EGFLAM: variants seen among roughly 807,000 people sequenced by gnomAD.
The protein encoded by EGFLAM is EGF like, fibronectin type III and laminin G domains.
A neutral mutation model predicts 113.1 loss-of-function variants in EGFLAM; 79 were observed. The observed-to-expected ratio is 0.70, with a 90% confidence interval of 0.58 to 0.84. The LOEUF (loss-of-function observed/expected upper bound fraction) is 0.84, where lower values mean the gene tolerates loss of function less well. EGFLAM is among the 40% of genes least tolerant of loss of function. The pLI is 0.00. For missense variants in EGFLAM, 1,265 were observed against 1,291.6 expected, an observed-to-expected ratio of 0.98 and a Z score of 0.32; for synonymous variants, 504 against 487.6, an observed-to-expected ratio of 1.03 and a Z score of -0.44.
chr5:38,371,991 C>T (rs904750221), intron 6 of EGFLAM, among the ~76,000 whole-genome samples: 1 of 152,136 alleles, frequency 6.6e-6, no homozygotes, highest in Non-Finnish European at 1.5e-5. Context: ...TCCAGGCTCA[C>T]CTCTTTCAGT....
intron 1 of EGFLAM, among the ~76,000 whole-genome samples, chr5:38,329,513 T>C (rs2111920170): frequency 6.6e-6 from 1 of 152,210 alleles, no homozygotes; most frequent in South Asian, 2.1e-4. Context: ...GCTGAGTCAC[T>C]TCCAGCTGAG....
At chr5:38,430,650 T>G (rs148526054) in intron 14 of EGFLAM, among the ~76,000 whole-genome samples, 2 of 152,274 alleles carry the variant, frequency 1.3e-5, no homozygotes, top group East Asian at 1.9e-4. Flanking sequence ...AGGCTATAAA[T>G]AGACATGTAG....
intron 6 of EGFLAM, among the ~76,000 whole-genome samples, chr5:38,399,276 C>CTTTTTTT (rs1561068047): frequency 1.6e-5 from 2 of 123,394 alleles, no homozygotes; most frequent in Non-Finnish European, 3.5e-5. Context: ...TTTTTGTTTT[C>CTTTTTTT]GTTTTTTTTT....
chr5:38,295,243 C>T (rs540473387), intron 1 of EGFLAM, among the ~76,000 whole-genome samples: 6 of 152,282 alleles, frequency 3.9e-5, no homozygotes, highest in East Asian at 3.9e-4. Context: ...TCCTGCTAAC[C>T]GCTGTATCTG....
intron 16 of EGFLAM, among the ~76,000 whole-genome samples, chr5:38,435,546 A>G (rs551882787): frequency 6.6e-6 from 1 of 152,318 alleles, no homozygotes; most frequent in South Asian, 2.1e-4. Context: ...GTGAAATGGC[A>G]TCATGTGTCT....
At chr5:38,352,420 G>T in intron 5 of EGFLAM, 89 bp downstream of exon 5, 3 of 1,535,088 alleles carry the variant, frequency 2.0e-6, no homozygotes, top group East Asian at 2.4e-5. Flanking sequence ...AGGCTGAGGC[G>T]GGCAGATCAC....
In EGFLAM at chr5:38,320,834, T is replaced by C. The variant is rs555357383; in HGVS notation, c.98-16686T>C. Among the ~76,000 whole-genome samples, 5 of 152,192 alleles carry C rather than the reference T, an allele frequency of 3.3e-5. No homozygotes were observed. The South Asian group carries it at 1.0e-3, about 32-fold the overall frequency. On this transcript the variant is annotated intron_variant, in intron 1 of 21. Transcript: ENST00000322350. ...CACCGGGGAAAGGCCAAGGTGATAT[T>C]TACCCCTAATATGAATTCTTACCAT... is the stretch of plus-strand genomic sequence containing the variant.
chr5:38,291,650 G>T (rs1003533340), intron 1 of EGFLAM, among the ~76,000 whole-genome samples: 1 of 152,224 alleles, frequency 6.6e-6, no homozygotes, highest in Admixed American at 6.5e-5. Flanking sequence ...CAAAGAGAAT[G>T]CAATTAACCT....
chr5:38,290,666 T>G (rs1758302784), intron 1 of EGFLAM: 1 of 152,318 alleles, frequency 6.6e-6, no homozygotes, highest in African/African-American at 2.4e-5. Flanking sequence ...TTCTTCCACT[T>G]GGAGTTCCCT....
chr5:38,388,717 G>A (rs1740729393), intron 6 of EGFLAM, among the ~76,000 whole-genome samples: 1 of 150,014 alleles, frequency 6.7e-6, no homozygotes, highest in African/African-American at 2.5e-5. Context: ...CCGAGATTGG[G>A]CCACTACCCT....
rs764250237 is a variant in EGFLAM at position 38,448,396 on chromosome 5, G to A, written c.2543+17G>A. On this transcript the variant is annotated intron_variant, in intron 18 of 21. Coordinates refer to ENST00000322350, the MANE Select transcript of EGFLAM (RefSeq NM_152403.4). ...CTTGAAGAGGTAATAAGCTTCAACAGGCACCTTCCTCAGCTTTCTGGGGGT... is the reference window on the plus strand; with the variant it reads ...CTTGAAGAGGTAATAAGCTTCAACAAGCACCTTCCTCAGCTTTCTGGGGGT... 1.2e-6 allele frequency: 2 copies of A among 1,613,376 alleles called. No homozygotes were observed. Among genetic ancestry groups the A allele is most frequent in the Non-Finnish European group, 1.7e-6 (2 of 1,179,506 alleles).
intron 6 of EGFLAM, among the ~76,000 whole-genome samples, chr5:38,386,625 G>A (rs903309407): frequency 2.6e-5 from 4 of 151,986 alleles, no homozygotes; most frequent in South Asian, 2.1e-4. Flanking sequence ...TCCTGCCTCA[G>A]CCTCCCAAGT....
intron 1 of EGFLAM, among the ~76,000 whole-genome samples, chr5:38,275,820 C>T (rs34661295): frequency 6.6e-6 from 1 of 151,852 alleles, no homozygotes; most frequent in Non-Finnish European, 1.5e-5. Flanking sequence ...TATTAGGCCA[C>T]AAAACAAGTC....
At chr5:38,316,036 C>T (rs1738585234) in intron 1 of EGFLAM, among the ~76,000 whole-genome samples, 1 of 147,828 alleles carries the variant, frequency 6.8e-6, no homozygotes, top group South Asian at 2.1e-4. Flanking sequence ...CAGATCGCGC[C>T]ACTGCACCCC....
chr5:38,265,025 T>G (rs1757598836), intron 1 of EGFLAM, among the ~76,000 whole-genome samples: 1 of 152,198 alleles, frequency 6.6e-6, no homozygotes, highest in Non-Finnish European at 1.5e-5. Flanking sequence ...ATTAATTCTC[T>G]GTGAGAGGTA....
intron 1 of EGFLAM, chr5:38,283,885 A>T (rs925603155): frequency 6.6e-6 from 1 of 152,216 alleles, no homozygotes; most frequent in African/African-American, 2.4e-5. Context: ...TGACCTGTGG[A>T]GAGGTTGTTC....
intron 1 of EGFLAM, among the ~76,000 whole-genome samples, chr5:38,319,081 G>A (rs527263338): frequency 6.6e-6 from 1 of 152,248 alleles, no homozygotes; most frequent in African/African-American, 2.4e-5. Flanking sequence ...ATATCACCTT[G>A]GCTTTTCCCC....
At chr5:38,309,442 C>A (rs933047539) in intron 1 of EGFLAM, among the ~76,000 whole-genome samples, 1 of 152,160 alleles carries the variant, frequency 6.6e-6, no homozygotes, top group African/African-American at 2.4e-5. Context: ...TATATTTAAG[C>A]CCATCACTAG....
At chr5:38,394,495 C>T (rs887867885) in intron 6 of EGFLAM, among the ~76,000 whole-genome samples, 23 of 151,784 alleles carry the variant, frequency 1.5e-4, no homozygotes, top group African/African-American at 3.1e-4. Context: ...CTGCAAGCTG[C>T]GCCTCCCGGG....
Sources: gnomAD v4.1 joint callset for allele counts (sites outside exome capture counted in the v4.1 genomes callset) on GRCh38, gnomAD v4.1.1 for gene constraint, MANE v1.5 for transcripts, NCBI Gene and HGNC (gene_info 2026-07-23, HGNC 2026-07-21) for gene names.